NPAS3: variants seen among roughly 807,000 people sequenced by gnomAD.
NPAS3 encodes the protein neuronal PAS domain protein 3, also known as neuronal PAS domain-containing protein 3.
Under a neutral mutation model 73.1 loss-of-function variants are expected in NPAS3, and 14 were observed. The observed-to-expected ratio is 0.19, with a 90% CI of 0.13 to 0.30. NPAS3 has a LOEUF of 0.30. NPAS3 is among the 10% of genes least tolerant of loss of function. The pLI is 1.00. For synonymous variants in NPAS3, 620 were observed against 541.5 expected (o/e 1.14, Z -2.01); for missense variants, 1,096 against 1,250.0 (o/e 0.88, Z 1.86).
intron 1 of NPAS3, among the ~76,000 whole-genome samples, chr14:33,044,173 T>C (rs1193799688): frequency 6.6e-6 from 1 of 152,226 alleles, no homozygotes; most frequent in Non-Finnish European, 1.5e-5. Context: ...ACGTTAACTA[T>C]AACCCATTGC....
intron 2 of NPAS3, among the ~76,000 whole-genome samples, chr14:33,125,110 TTTATCTTC>T (rs1232222795): frequency 6.6e-6 from 1 of 152,074 alleles, no homozygotes; most frequent in East Asian, 1.9e-4. Flanking sequence ...TGCAGGGACT[TTTATCTTC>T]TTCTTTGACT....
chr14:32,934,889 C>G (rs2035647508), upstream of NPAS3: 1 of 870,868 alleles, frequency 1.1e-6, no homozygotes, highest in Admixed American at 6.2e-5. This position sits in a 1 kb window ranked among gnomAD's most constrained non-coding sequence, Gnocchi z 4.1. Flanking sequence ...GTGACGGCCG[C>G]GGCGGCCGGC....
At chr14:33,090,584 A>T (rs995820079) in intron 2 of NPAS3, among the ~76,000 whole-genome samples, 1 of 152,226 alleles carries the variant, frequency 6.6e-6, no homozygotes, top group African/African-American at 2.4e-5. Context: ...CATTAGACAG[A>T]TCAACGAGAC....
At chr14:33,023,379 T>C (rs566242639) in intron 1 of NPAS3, among the ~76,000 whole-genome samples, 4 of 152,348 alleles carry the variant, frequency 2.6e-5, no homozygotes, top group African/African-American at 7.2e-5. Flanking sequence ...ATATTTTTTT[T>C]CATTGGAAGG....
chr14:33,629,743 T>G (rs746452269), intron 5 of NPAS3, among the ~76,000 whole-genome samples: 5 of 151,734 alleles, frequency 3.3e-5, no homozygotes, highest in Non-Finnish European at 7.4e-5. Flanking sequence ...CATTTGTTTT[T>G]CTATTTTTTT....
Position 33,765,416 on chromosome 14 carries a change from G to A in NPAS3, c.853-8921G>A, listed in dbSNP as rs146762714. 4.3e-3 allele frequency among the ~76,000 whole-genome samples: 652 copies of A among 152,152 alleles called. 4 individuals are homozygous for A. Among genetic ancestry groups the A allele is most frequent in the African/African-American group, 0.015 (626 of 41,512 alleles). The stretch of plus-strand genomic sequence containing the variant: ...GGAATTAATCAGGAGCTCAGCCAGG[G>A]GCCGGCTGGGCTAGGGGGAGGGGAT... On this transcript the variant is annotated intron_variant, in intron 7 of 11. Transcript: ENST00000356141.
intron 2 of NPAS3, among the ~76,000 whole-genome samples, chr14:33,147,644 G>A (rs1347779372): frequency 6.6e-6 from 1 of 150,422 alleles, no homozygotes; most frequent in Non-Finnish European, 1.5e-5. Flanking sequence ...GTTAATGGGT[G>A]CAGCACACCA....
At chr14:33,409,022 C>G (rs1338674559) in intron 4 of NPAS3, among the ~76,000 whole-genome samples, 2 of 152,184 alleles carry the variant, frequency 1.3e-5, no homozygotes, top group African/African-American at 2.4e-5. Context: ...AAGTATAACA[C>G]TTCTCCTCCC....
Position 33,033,017 on chromosome 14 carries a change from T to C in NPAS3, c.51-22888T>C, listed in dbSNP as rs983849525. ...ACAGTTTCAGCTTGCCTATAGTCTC[T>C]AGATATCCAAGGCAGACTGTCAAAT... On this transcript the variant is annotated intron_variant, in intron 1 of 11. Coordinates refer to ENST00000356141, the Ensembl canonical transcript of NPAS3. 7.2e-5 allele frequency among the ~76,000 whole-genome samples: 11 copies of C among 152,194 alleles called. 1 individual carries two copies.
At chr14:33,447,705 G>A (rs2049583951) in intron 4 of NPAS3, among the ~76,000 whole-genome samples, 1 of 152,238 alleles carries the variant, frequency 6.6e-6, no homozygotes, top group Non-Finnish European at 1.5e-5. Context: ...TTTGAATCCA[G>A]GGGTTTCAAG....
chr14:33,603,441 T>A (rs2057460786), intron 5 of NPAS3, among the ~76,000 whole-genome samples: 1 of 152,180 alleles, frequency 6.6e-6, no homozygotes, highest in Non-Finnish European at 1.5e-5. Context: ...CTGAACATTT[T>A]TCCAAATTGG....
intron 1 of NPAS3, among the ~76,000 whole-genome samples, chr14:32,982,140 T>C: frequency 6.6e-6 from 1 of 152,204 alleles, no homozygotes. Flanking sequence ...ATCAAGGTGC[T>C]GGCATTTCAT....
At chr14:33,633,026 G>A (rs61972989) in intron 5 of NPAS3, among the ~76,000 whole-genome samples, 5 of 152,070 alleles carry the variant, frequency 3.3e-5, no homozygotes, top group Admixed American at 6.5e-5. Flanking sequence ...AAAAAATCCC[G>A]TAACAATAAA....
At chr14:33,075,560 G>A (rs982324305) in intron 2 of NPAS3, among the ~76,000 whole-genome samples, 7 of 152,122 alleles carry the variant, frequency 4.6e-5, no homozygotes, top group South Asian at 4.1e-4. Context: ...AGTGTTGTTG[G>A]CCTGGCTGGC....
At chr14:33,109,083 G>A (rs928965784) in intron 2 of NPAS3, among the ~76,000 whole-genome samples, 5 of 152,194 alleles carry the variant, frequency 3.3e-5, no homozygotes, top group East Asian at 3.9e-4. Context: ...AAAGAAACAC[G>A]TTGCCTGAAA....
intron 4 of NPAS3, among the ~76,000 whole-genome samples, chr14:33,404,448 A>G (rs2047577260): frequency 2.0e-5 from 3 of 152,172 alleles, no homozygotes; most frequent in African/African-American, 7.2e-5. Context: ...ATTAATCAAA[A>G]TTCTGTAATG....
intron 4 of NPAS3, among the ~76,000 whole-genome samples, chr14:33,396,410 G>T (rs552795338): frequency 6.6e-6 from 1 of 152,084 alleles, no homozygotes; most frequent in African/African-American, 2.4e-5. Context: ...ATCTTATTTT[G>T]ACCTTAAATA....
chr14:33,640,844 T>C (rs1216733303), intron 5 of NPAS3, among the ~76,000 whole-genome samples: 1 of 152,248 alleles, frequency 6.6e-6, no homozygotes, highest in Non-Finnish European at 1.5e-5. Flanking sequence ...TAGATGTAGA[T>C]GTAAAATAGT....
intron 3 of NPAS3, among the ~76,000 whole-genome samples, chr14:33,285,188 A>G: frequency 6.6e-6 from 1 of 152,176 alleles, no homozygotes; most frequent in Non-Finnish European, 1.5e-5. Context: ...TTGAACTCAA[A>G]TGGCATGAGG....
Sources: gnomAD v4.1 joint callset for allele counts (sites outside exome capture counted in the v4.1 genomes callset) on GRCh38, gnomAD v4.1.1 for gene constraint, Gnocchi (gnomAD v3.1) non-coding constraint, MANE v1.5 for transcripts, NCBI Gene and HGNC (gene_info 2026-07-23, HGNC 2026-07-21) for gene names.